The following MAPK6 variants were observed in gnomAD, a reference collection of about 807,000 sequenced individuals.
The protein encoded by MAPK6 is ERK-3.
In MAPK6, 19 loss-of-function variants were observed where a neutral mutation model predicts 59.3. The ratio of observed to expected loss-of-function variants is 0.32; its 90% CI spans 0.22 to 0.47. MAPK6 has a LOEUF of 0.47. MAPK6 is among the 20% of genes least tolerant of loss of function. The pLI, the probability that MAPK6 is intolerant of heterozygous loss-of-function variation, is 1.00. For missense variants in MAPK6, 724 were observed against 847.9 expected (o/e 0.85, Z 1.81); for synonymous variants, 316 against 290.3 (o/e 1.09, Z -0.90).
At position 52,050,045 on chromosome 15, in the gene MAPK6, T is replaced by C; in HGVS notation, c.608T>C (p.Leu203Ser). 6.2e-7 allele frequency: 1 copy of C among 1,612,648 alleles called. No homozygotes were observed. The highest frequency in any genetic ancestry group is 8.5e-7 in the Non-Finnish European group (1 of 1,179,404). ...AAATGGTACAGATCTCCACGTCTTT[T>C]ACTTTCTCCTAATAATTATACTAAA... ...VTKWYRSPRL[L>S]LSPNNYTKAI... The change falls in exon 3 of 6, where the codon TTA becomes TCA. Residue 203 changes from leucine (L) to serine (S), a missense_variant. Physicochemically the swap from Leu to Ser is moderately radical, Grantham distance 145. Coordinates refer to ENST00000261845, the MANE Select transcript of MAPK6 (RefSeq NM_002748.4).
chr15:51,996,964 T>G (rs1282650556), intron 2 of MAPK6, among the ~76,000 whole-genome samples: 1 of 151,212 alleles, frequency 6.6e-6, no homozygotes, highest in African/African-American at 2.4e-5. Flanking sequence ...ATTACAGGTG[T>G]GAATGACCAT....
intron 3 of MAPK6, among the ~76,000 whole-genome samples, chr15:52,010,075 G>A (rs921764709): frequency 1.3e-5 from 2 of 151,792 alleles, no homozygotes; most frequent in Non-Finnish European, 2.9e-5. Context: ...CTGGCCTTAA[G>A]TAATTTCTTA....
chr15:52,024,330 G>A (rs2030664525), intron 1 of MAPK6, among the ~76,000 whole-genome samples: 2 of 151,864 alleles, frequency 1.3e-5, no homozygotes, highest in Middle Eastern at 3.4e-3. Flanking sequence ...CTTGATAGAC[G>A]TTAGAATCTT....
At chr15:52,061,762 G>A (rs963943467) in intron 5 of MAPK6, among the ~76,000 whole-genome samples, 3 of 152,042 alleles carry the variant, frequency 2.0e-5, no homozygotes, top group African/African-American at 7.2e-5. Flanking sequence ...AATAGAGCAA[G>A]ACTCCATCTC....
At chr15:51,984,075 T>C (rs550278771) in intron 2 of MAPK6, among the ~76,000 whole-genome samples, 3 of 151,976 alleles carry the variant, frequency 2.0e-5, no homozygotes, top group African/African-American at 4.8e-5. Context: ...ACCAAAACTT[T>C]GTTTATAATA....
In MAPK6 at chr15:52,064,935, G is replaced by GCTATGAAATCTTCCC. The variant is rs1188137708; in HGVS notation, c.2104_2118dup (p.Met702_Pro706dup). On this transcript the variant is annotated inframe_insertion, in exon 6 of 6. Transcript: ENST00000261845. ...AATACAGGCCACATTAACACCTTCT[G>GCTATGAAATCTTCCC]CTATGAAATCTTCCCCTCAAATTCC... The GCTATGAAATCTTCCC allele has an allele frequency of 1.2e-6, 2 of 1,611,736 alleles. No individual in the cohort carries two copies. Among genetic ancestry groups the GCTATGAAATCTTCCC allele is most frequent in the African/African-American group, 2.7e-5 (2 of 74,846 alleles).
intron 1 of MAPK6, among the ~76,000 whole-genome samples, chr15:51,978,137 AT>A (rs35197355): frequency 3.7e-4 from 54 of 147,390 alleles, no homozygotes; most frequent in East Asian, 3.2e-3. Context: ...TGACAGTTTA[AT>A]TTTTTTTTTT....
At chr15:52,006,966 A>G (rs1595965558) in intron 3 of MAPK6, among the ~76,000 whole-genome samples, 1 of 152,128 alleles carries the variant, frequency 6.6e-6, no homozygotes, top group South Asian at 2.1e-4. Flanking sequence ...CAGAGAATCA[A>G]TGTTAGAAAT....
upstream of MAPK6, chr15:52,017,162 C>G (rs955503884): frequency 6.6e-6 from 1 of 152,374 alleles, no homozygotes; most frequent in Non-Finnish European, 1.5e-5. Flanking sequence ...GACCACCAAA[C>G]AGGCTTTGTG....
intron 3 of MAPK6, among the ~76,000 whole-genome samples, chr15:52,008,704 C>T (rs2029977050): frequency 1.3e-5 from 2 of 152,200 alleles, no homozygotes; most frequent in South Asian, 4.1e-4. Flanking sequence ...CTTTTGCACG[C>T]AGGGCCCTGT....
At chr15:51,983,737 G>A (rs2057181936) in intron 2 of MAPK6, among the ~76,000 whole-genome samples, 3 of 151,992 alleles carry the variant, frequency 2.0e-5, no homozygotes, top group Admixed American at 2.0e-4. Flanking sequence ...AGCCTGGGAG[G>A]TTGAGGATGC....
intron 2 of MAPK6, among the ~76,000 whole-genome samples, chr15:51,992,530 T>A (rs2057213066): frequency 6.6e-6 from 1 of 151,804 alleles, no homozygotes; most frequent in African/African-American, 2.4e-5. Context: ...GGTCTCGATC[T>A]TCTGACCTTG....
intron 1 of MAPK6, among the ~76,000 whole-genome samples, chr15:52,028,275 G>A (rs1001077085): frequency 6.6e-5 from 10 of 151,820 alleles, no homozygotes; most frequent in African/African-American, 2.4e-4. Context: ...TAGTAGAGAC[G>A]GATTCGTCTC....
intron 2 of MAPK6, among the ~76,000 whole-genome samples, chr15:52,001,156 C>A (rs1415289627): frequency 6.6e-6 from 1 of 152,148 alleles, no homozygotes; most frequent in Non-Finnish European, 1.5e-5. Context: ...AGTGTTCAGC[C>A]TCTTGCCTTC....
chr15:51,981,411 G>C (rs945882289), intron 1 of MAPK6, among the ~76,000 whole-genome samples: 23 of 151,488 alleles, frequency 1.5e-4, no homozygotes, highest in African/African-American at 5.6e-4. Context: ...GCCGAAGCTT[G>C]CAGTGAGCCG....
intron 2 of MAPK6, among the ~76,000 whole-genome samples, chr15:52,000,356 A>G (rs2057238641): frequency 6.6e-6 from 1 of 152,036 alleles, no homozygotes. Context: ...CTAAGAACCC[A>G]TTGCCTAATT....
In MAPK6 at chr15:52,021,901, A is replaced by G. The variant is rs548128772; in HGVS notation, c.-632+2525A>G. ...TTTTTCATGGTTTTTTTTTAAAGAT[A>G]AGCTGAATGTACAGTTCTAAGTTGA... is the stretch of plus-strand genomic sequence containing the variant. On this transcript the variant is annotated intron_variant, in intron 1 of 5. Coordinates refer to ENST00000261845, the MANE Select transcript of MAPK6 (RefSeq NM_002748.4). 8.5e-5 allele frequency among the ~76,000 whole-genome samples: 13 copies of G among 152,304 alleles called. No individual in the cohort carries two copies. In the South Asian group the frequency reaches 2.5e-3, roughly 29 times the overall value.
intron 3 of MAPK6, among the ~76,000 whole-genome samples, chr15:52,051,869 CAAAA>C (rs779400629): frequency 1.2e-5 from 1 of 84,238 alleles, no homozygotes; most frequent in African/African-American, 4.3e-5. Context: ...GACTCTGTCT[CAAAA>C]AAAAAAAAAA....
intron 2 of MAPK6, among the ~76,000 whole-genome samples, chr15:51,988,537 G>A (rs1441137088): frequency 6.6e-6 from 1 of 152,014 alleles, no homozygotes; most frequent in Non-Finnish European, 1.5e-5. Context: ...TTCAAGACCA[G>A]CCTGGCCAAC....
Sources: allele counts gnomAD v4.1 joint callset (sites outside exome capture counted in the v4.1 genomes callset), GRCh38; gene constraint gnomAD v4.1.1; transcripts MANE v1.5; gene names NCBI Gene and HGNC (gene_info 2026-07-23, HGNC 2026-07-21).